The following SGCZ variants were observed in gnomAD, a reference collection of about 807,000 sequenced individuals.
SGCZ encodes the protein zeta-sarcoglycan.
SGCZ carries 40 observed loss-of-function variants against 41.3 expected under a neutral mutation model. The ratio of observed to expected loss-of-function variants is 0.97; its 90% CI spans 0.75 to 1.26. SGCZ has a LOEUF of 1.26. Ranked by LOEUF, SGCZ falls within the 50% of genes most tolerant of loss-of-function variation. SGCZ has a pLI of 0.00. For missense variants in SGCZ, 552 were observed against 369.8 expected (o/e 1.49, Z -4.04); for synonymous variants, 206 against 137.5 (o/e 1.50, Z -3.49).
chr8:14,458,396 T>C (rs953639578), intron 2 of SGCZ, among the ~76,000 whole-genome samples: 1 of 152,152 alleles, frequency 6.6e-6, no homozygotes, highest in East Asian at 1.9e-4. Flanking sequence ...AGTAAAGTTG[T>C]TTCTCACAGG....
At chr8:14,183,370 A>G (rs567416650) in intron 4 of SGCZ, among the ~76,000 whole-genome samples, 1 of 152,298 alleles carries the variant, frequency 6.6e-6, no homozygotes, top group African/African-American at 2.4e-5. Context: ...TGAGAACAGA[A>G]TAAAAATGGG....
chr8:14,831,239 C>T lies in SGCZ; in HGVS notation c.40-276313G>A, dbSNP rs149167664. On this transcript the variant is annotated intron_variant, in intron 1 of 7. Transcript: ENST00000382080. Reference sequence around the variant, plus strand: ...TCAAAGTACATGACGGCAAAATACTCATGGTGTTTCAGTTGTAGATATTTG... The same window carrying T: ...TCAAAGTACATGACGGCAAAATACTTATGGTGTTTCAGTTGTAGATATTTG... 5.9e-5 allele frequency among the ~76,000 whole-genome samples: 9 copies of T among 152,248 alleles called. No individual in the cohort carries two copies. In the East Asian group the frequency reaches 1.7e-3, roughly 29 times the overall value.
At chr8:15,235,310 T>C (rs1802086415) in intron 1 of SGCZ, among the ~76,000 whole-genome samples, 1 of 152,194 alleles carries the variant, frequency 6.6e-6, no homozygotes, top group Non-Finnish European at 1.5e-5. Context: ...ACTGCCAACA[T>C]AAATTTATTC....
chr8:14,906,551 T>G (rs1043818846), intron 1 of SGCZ, among the ~76,000 whole-genome samples: 9 of 152,204 alleles, frequency 5.9e-5, no homozygotes, highest in African/African-American at 1.9e-4. Flanking sequence ...CACTTACAAT[T>G]TAATTTAAAC....
intron 5 of SGCZ, among the ~76,000 whole-genome samples, chr8:14,121,632 A>C (rs372333514): frequency 6.6e-6 from 1 of 152,260 alleles, no homozygotes; most frequent in East Asian, 1.9e-4. Context: ...CCATTCAGTT[A>C]AGTTATTGTG....
intron 1 of SGCZ, among the ~76,000 whole-genome samples, chr8:15,055,044 C>T (rs998130800): frequency 6.6e-6 from 1 of 151,966 alleles, no homozygotes; most frequent in African/African-American, 2.4e-5. Flanking sequence ...TCTTACACCT[C>T]CTAAGTAGCT....
intron 1 of SGCZ, among the ~76,000 whole-genome samples, chr8:14,610,025 A>T (rs1805876336): frequency 6.6e-6 from 1 of 152,188 alleles, no homozygotes; most frequent in South Asian, 2.1e-4. Context: ...AACTGCTACG[A>T]TCTTATTTAA....
chr8:14,782,163 C>A (rs2130437649), intron 1 of SGCZ, among the ~76,000 whole-genome samples: 1 of 152,272 alleles, frequency 6.6e-6, no homozygotes, highest in South Asian at 2.1e-4. Context: ...ACTACTGGGA[C>A]TGCTGTCAGA....
intron 2 of SGCZ, among the ~76,000 whole-genome samples, chr8:14,324,724 G>C (rs1290892444): frequency 2.0e-5 from 3 of 152,022 alleles, no homozygotes; most frequent in African/African-American, 4.8e-5. Flanking sequence ...AGATCCTTTA[G>C]AAAAGAGCAG....
chr8:14,133,449 T>C (rs1390173511), intron 5 of SGCZ, among the ~76,000 whole-genome samples: 1 of 152,182 alleles, frequency 6.6e-6, no homozygotes, highest in Non-Finnish European at 1.5e-5. Context: ...GAGCATCTTT[T>C]CTTTCACGTA....
At position 14,893,123 on chromosome 8, in the gene SGCZ, C is replaced by T. The variant is rs369929422; in HGVS notation, c.40-338197G>A. Among the ~76,000 whole-genome samples, 38 of 152,240 alleles carry T rather than the reference C, an allele frequency of 2.5e-4. No homozygotes were observed. The East Asian group carries it at 3.1e-3, about 12-fold the overall frequency. On this transcript the variant is annotated intron_variant, in intron 1 of 7. Coordinates refer to ENST00000382080, the MANE Select transcript of SGCZ (RefSeq NM_139167.4). ...GGGAAGTTCTGCTGGAGTATCCTGG[C>T]AGGCCCCATCCAATCACATGGGTCC... is the stretch of plus-strand genomic sequence containing the variant.
At chr8:14,795,454 T>C (rs1460440266) in intron 1 of SGCZ, among the ~76,000 whole-genome samples, 1 of 152,102 alleles carries the variant, frequency 6.6e-6, no homozygotes, top group East Asian at 1.9e-4. Context: ...TTTGTTTTTG[T>C]TTCTTTTTGA....
chr8:14,499,422 T>C (rs1802087678), intron 2 of SGCZ, among the ~76,000 whole-genome samples: 1 of 152,052 alleles, frequency 6.6e-6, no homozygotes, highest in African/African-American at 2.4e-5. Flanking sequence ...CTTTTTGGTT[T>C]TCAATTCTCT....
At chr8:14,777,044 A>C (rs922435355) in intron 1 of SGCZ, among the ~76,000 whole-genome samples, 3 of 152,210 alleles carry the variant, frequency 2.0e-5, no homozygotes, top group African/African-American at 7.2e-5. Context: ...ATCTGTGAGG[A>C]GGAATGTATG....
At chr8:14,388,756 C>A (rs1160938730) in intron 2 of SGCZ, among the ~76,000 whole-genome samples, 1 of 151,510 alleles carries the variant, frequency 6.6e-6, no homozygotes, top group Non-Finnish European at 1.5e-5. Flanking sequence ...GTACAACAAA[C>A]CTCCATGATG....
rs193130670 is a variant in SGCZ, at chr8:14,896,696, C to T, written c.39+340889G>A. 2.7e-3 allele frequency among the ~76,000 whole-genome samples: 416 copies of T among 152,076 alleles called. 1 individual carries two copies. The highest frequency in any genetic ancestry group is 4.8e-3 in the Non-Finnish European group (328 of 67,996). On this transcript the variant is annotated intron_variant, in intron 1 of 7. Coordinates refer to ENST00000382080, the MANE Select transcript of SGCZ (RefSeq NM_139167.4). ...TTCACCATGTTGGTCAAGGTAGTCT[C>T]GAACTCCTGACCTCCAGTGATAAAC... is the stretch of plus-strand genomic sequence containing the variant.
chr8:14,288,688 G>A (rs1320820886), intron 3 of SGCZ, among the ~76,000 whole-genome samples: 1 of 152,006 alleles, frequency 6.6e-6, no homozygotes, highest in Non-Finnish European at 1.5e-5. Context: ...ATCCACTGAT[G>A]GACATTTTAG....
chr8:15,060,924 T>C (rs939232354), intron 1 of SGCZ, among the ~76,000 whole-genome samples: 2 of 152,162 alleles, frequency 1.3e-5, no homozygotes, highest in Admixed American at 6.5e-5. Context: ...TACTCCACCA[T>C]AGTAGAAGGT....
intron 1 of SGCZ, among the ~76,000 whole-genome samples, chr8:15,094,245 C>G (rs1806254397): frequency 1.3e-5 from 2 of 152,082 alleles, no homozygotes; most frequent in Non-Finnish European, 2.9e-5. Context: ...AGCAATCCTC[C>G]CACCTCAGCC....
Sources: gnomAD v4.1 joint callset for allele counts (sites outside exome capture counted in the v4.1 genomes callset) on GRCh38, gnomAD v4.1.1 for gene constraint, MANE v1.5 for transcripts, NCBI Gene and HGNC (gene_info 2026-07-23, HGNC 2026-07-21) for gene names.